Variants in ROBO1 observed in about 807,000 individuals in gnomAD.
ROBO1 encodes roundabout homolog 1.
Under a neutral mutation model 195.9 loss-of-function variants are expected in ROBO1, and 149 were observed. The observed-to-expected ratio is 0.76, with a 90% CI of 0.67 to 0.87. The LOEUF (loss-of-function observed/expected upper bound fraction) is 0.87. ROBO1 is among the 40% of genes least tolerant of loss of function. The pLI is 0.00. For synonymous variants in ROBO1, 816 were observed against 733.2 expected (o/e 1.11, Z -1.82); for missense variants, 1,933 against 2,068.3 (o/e 0.93, Z 1.27).
chr3:79,305,358 A>G (rs2033168504), intron 2 of ROBO1, among the ~76,000 whole-genome samples: 1 of 151,908 alleles, frequency 6.6e-6, no homozygotes, highest in South Asian at 2.1e-4. Flanking sequence ...GTGGTGGCAC[A>G]TGCCTGTAAC....
intron 4 of ROBO1, among the ~76,000 whole-genome samples, chr3:78,789,506 AAAAT>A (rs2083953705): frequency 6.6e-6 from 1 of 152,206 alleles, no homozygotes; most frequent in Non-Finnish European, 1.5e-5. Context: ...ACACATAATG[AAAAT>A]AAATAATGCC....
chr3:79,466,203 G>T (rs1937949516), intron 2 of ROBO1, among the ~76,000 whole-genome samples: 1 of 152,002 alleles, frequency 6.6e-6, no homozygotes. Context: ...ATTTTTGAAA[G>T]AATACAGACT....
chr3:79,173,846 T>G (rs1164238432), intron 2 of ROBO1, among the ~76,000 whole-genome samples: 2 of 152,040 alleles, frequency 1.3e-5, no homozygotes, highest in Non-Finnish European at 2.9e-5. Context: ...AATACACCAA[T>G]CGGCACTCTG....
chr3:79,533,961 A>T (rs1941755578), intron 2 of ROBO1, among the ~76,000 whole-genome samples: 1 of 152,064 alleles, frequency 6.6e-6, no homozygotes, highest in South Asian at 2.1e-4. Context: ...AGCTGAATCT[A>T]TTATAGGGAA....
chr3:79,386,679 C>A (rs116490556), intron 2 of ROBO1, among the ~76,000 whole-genome samples: 3 of 152,180 alleles, frequency 2.0e-5, no homozygotes, highest in African/African-American at 7.2e-5. Context: ...GGTAGCTTCA[C>A]GCATTGGTTG....
intron 2 of ROBO1, among the ~76,000 whole-genome samples, chr3:79,195,567 A>G (rs1181972108): frequency 3.3e-5 from 5 of 151,662 alleles, no homozygotes; most frequent in African/African-American, 1.2e-4. Context: ...GTTCTTGATT[A>G]TAAAAAAGAA....
At chr3:78,778,918 A>G (rs1328031675) in intron 4 of ROBO1, among the ~76,000 whole-genome samples, 1 of 152,180 alleles carries the variant, frequency 6.6e-6, no homozygotes, top group African/African-American at 2.4e-5. Context: ...ACAAATACCT[A>G]GACCACAGAA....
At chr3:78,728,247 A>C (rs2082209223) in intron 5 of ROBO1, among the ~76,000 whole-genome samples, 1 of 152,138 alleles carries the variant, frequency 6.6e-6, no homozygotes, top group Non-Finnish European at 1.5e-5. Context: ...GCATTATTTT[A>C]ATTATTTCCC....
intron 2 of ROBO1, among the ~76,000 whole-genome samples, chr3:79,307,662 T>C (rs886861557): frequency 6.6e-6 from 1 of 152,100 alleles, no homozygotes; most frequent in African/African-American, 2.4e-5. Context: ...GATAATTATC[T>C]CAATGATGTA....
chr3:78,805,349 G>C (rs890717505), intron 4 of ROBO1, among the ~76,000 whole-genome samples: 6 of 151,890 alleles, frequency 4.0e-5, no homozygotes, highest in African/African-American at 1.2e-4. Context: ...GTTTCTTAAT[G>C]ATACAAACCA....
chr3:79,324,451 A>G (rs1017549190), intron 2 of ROBO1, among the ~76,000 whole-genome samples: 5 of 152,162 alleles, frequency 3.3e-5, no homozygotes, highest in African/African-American at 9.7e-5. Context: ...GGATCTCTAA[A>G]TTATATGTGA....
intron 1 of ROBO1, among the ~76,000 whole-genome samples, chr3:79,685,621 C>G (rs1274042609): frequency 6.6e-6 from 1 of 152,102 alleles, no homozygotes; most frequent in South Asian, 2.1e-4. Flanking sequence ...GAGAATGGGT[C>G]TTTGGCAAGT....
intron 26 of ROBO1, among the ~76,000 whole-genome samples, chr3:78,623,533 C>G (rs1310965623): frequency 6.6e-6 from 1 of 152,078 alleles, no homozygotes; most frequent in Non-Finnish European, 1.5e-5. Flanking sequence ...AGGAACCCTG[C>G]TTTTATTTTA....
At chr3:79,409,251 T>A (rs902115691) in intron 2 of ROBO1, among the ~76,000 whole-genome samples, 4 of 152,046 alleles carry the variant, frequency 2.6e-5, no homozygotes, top group Non-Finnish European at 5.9e-5. Flanking sequence ...CAGAAGTCCA[T>A]GAATAGAATA....
intron 2 of ROBO1, among the ~76,000 whole-genome samples, chr3:79,382,502 T>A (rs1575752934): frequency 6.6e-6 from 1 of 152,162 alleles, no homozygotes; most frequent in South Asian, 2.1e-4. Context: ...TTATAATAGA[T>A]GCTGCTAATT....
intron 4 of ROBO1, among the ~76,000 whole-genome samples, chr3:78,764,928 T>G (rs981998547): frequency 1.3e-5 from 2 of 152,066 alleles, no homozygotes; most frequent in African/African-American, 4.8e-5. Context: ...AATATAATGG[T>G]TTGTGTGATT....
At chr3:78,926,860 C>CTA (rs1433463777) in intron 4 of ROBO1, among the ~76,000 whole-genome samples, 1 of 152,130 alleles carries the variant, frequency 6.6e-6, no homozygotes, top group Non-Finnish European at 1.5e-5. Context: ...TATACATTCT[C>CTA]TATATGGCCT....
intron 1 of ROBO1, among the ~76,000 whole-genome samples, chr3:79,619,234 A>G (rs1944926939): frequency 6.6e-6 from 1 of 151,994 alleles, no homozygotes; most frequent in Non-Finnish European, 1.5e-5. Flanking sequence ...TTGGCTGCAC[A>G]CCCACATTAC....
intron 26 of ROBO1, among the ~76,000 whole-genome samples, chr3:78,626,136 G>T (rs755296799): frequency 6.6e-6 from 1 of 151,804 alleles, no homozygotes; most frequent in Non-Finnish European, 1.5e-5. Flanking sequence ...TAAGACAAGG[G>T]AACAAAAAAA....
Sources: gnomAD v4.1 joint callset for allele counts (sites outside exome capture counted in the v4.1 genomes callset) on GRCh38, gnomAD v4.1.1 for gene constraint, MANE v1.5 for transcripts, NCBI Gene and HGNC (gene_info 2026-07-23, HGNC 2026-07-21) for gene names.